Variants in NXPE2 observed in about 807,000 individuals in gnomAD.
NXPE2 encodes the protein NXPE family member 2.
A neutral mutation model predicts 34.4 loss-of-function variants in NXPE2; 34 were observed. The observed-to-expected ratio is 0.99, with a 90% CI of 0.75 to 1.31. NXPE2 has a LOEUF of 1.31. Ranked by LOEUF, NXPE2 falls within the 40% of genes most tolerant of loss-of-function variation. The probability of loss-of-function intolerance (pLI) is 0.00; values close to 1 mark genes in which losing one functional copy is unlikely to be tolerated. For missense variants in NXPE2, 649 were observed against 672.5 expected (o/e 0.97, Z 0.39); for synonymous variants, 235 against 231.3 (o/e 1.02, Z -0.15).
downstream of NXPE2, among the ~76,000 whole-genome samples, chr11:114,709,557 T>C (rs1439640778): frequency 6.6e-6 from 1 of 152,206 alleles, no homozygotes; most frequent in Non-Finnish European, 1.5e-5. Flanking sequence ...CTATTGCTAT[T>C]ATCAAACCTC....
chr11:114,583,842 C>T, the NXPE2 span: 1 of 393,100 alleles, frequency 2.5e-6, no homozygotes, highest in Admixed American at 3.3e-5. Flanking sequence ...AGGACTGTGT[C>T]CTTTCATAAA....
At chr11:114,595,994 C>T in the NXPE2 span, among the ~76,000 whole-genome samples, 1 of 152,018 alleles carries the variant, frequency 6.6e-6, no homozygotes. Context: ...TTAGTTAATA[C>T]AATTTGATAA....
At chr11:114,535,525 A>G in the NXPE2 span, among the ~76,000 whole-genome samples, 1 of 152,172 alleles carries the variant, frequency 6.6e-6, no homozygotes, top group African/African-American at 2.4e-5. Flanking sequence ...AGTGTGCTGT[A>G]TTCAGGAAAC....
the NXPE2 span, among the ~76,000 whole-genome samples, chr11:114,791,982 C>T: frequency 5.3e-5 from 8 of 152,136 alleles, no homozygotes; most frequent in Non-Finnish European, 8.8e-5. Flanking sequence ...GTCATGAACC[C>T]GGGAGGCGGA....
chr11:114,805,402 G>T, the NXPE2 span, among the ~76,000 whole-genome samples: 1 of 152,150 alleles, frequency 6.6e-6, no homozygotes, highest in African/African-American at 2.4e-5. Context: ...CGCCTCACCC[G>T]GGAAGCACAA....
chr11:114,712,406 T>G, the NXPE2 span, among the ~76,000 whole-genome samples: 1 of 152,070 alleles, frequency 6.6e-6, no homozygotes, highest in African/African-American at 2.4e-5. Flanking sequence ...TGATAAGGTA[T>G]TAATATCCAG....
At chr11:114,811,376 G>A in the NXPE2 span, among the ~76,000 whole-genome samples, 22,043 of 151,652 alleles carry the variant, frequency 0.15, 1,607 homozygotes, top group South Asian at 0.18. Flanking sequence ...AGAAAGAAAT[G>A]GCTTTAAAGA....
the NXPE2 span, among the ~76,000 whole-genome samples, chr11:114,520,545 T>C: frequency 6.6e-6 from 1 of 152,236 alleles, no homozygotes; most frequent in African/African-American, 2.4e-5. Flanking sequence ...TTCTCTGTCT[T>C]GGCTATTGTG....
chr11:114,518,332 A>C, the NXPE2 span: 1 of 152,134 alleles, frequency 6.6e-6, no homozygotes, highest in African/African-American at 2.4e-5. Flanking sequence ...TAAGTGTTAC[A>C]CCTTTAGGCT....
the NXPE2 span, among the ~76,000 whole-genome samples, chr11:114,758,845 A>C: frequency 6.7e-6 from 1 of 148,540 alleles, no homozygotes; most frequent in South Asian, 2.1e-4. Context: ...TTCTATATAC[A>C]TAAATATATA....
the NXPE2 span, among the ~76,000 whole-genome samples, chr11:114,534,924 C>T: frequency 1.3e-5 from 2 of 152,154 alleles, no homozygotes. Flanking sequence ...TCAGGAAATA[C>T]AGAGAACGCC....
At chr11:114,617,652 C>A in the NXPE2 span, among the ~76,000 whole-genome samples, 1 of 152,076 alleles carries the variant, frequency 6.6e-6, no homozygotes. Flanking sequence ...ATAAGTGTTG[C>A]CTCTAGGGTA....
the NXPE2 span, among the ~76,000 whole-genome samples, chr11:114,603,315 G>C: frequency 1.3e-5 from 2 of 150,252 alleles, no homozygotes; most frequent in African/African-American, 2.5e-5. Context: ...CCTATTACCT[G>C]GTGGGTGATA....
the NXPE2 span, among the ~76,000 whole-genome samples, chr11:114,482,416 T>C: frequency 0.038 from 5,848 of 152,294 alleles, 147 homozygotes; most frequent in Middle Eastern, 0.082. Context: ...TGAGTACTCA[T>C]GAAAGAATTT....
At chr11:114,590,391 T>G in the NXPE2 span, among the ~76,000 whole-genome samples, 3 of 152,130 alleles carry the variant, frequency 2.0e-5, no homozygotes, top group East Asian at 5.8e-4. Flanking sequence ...TCCTTCCCCC[T>G]CCCTAAAATC....
chr11:114,557,436 G>C, the NXPE2 span, among the ~76,000 whole-genome samples: 3 of 151,544 alleles, frequency 2.0e-5, no homozygotes, highest in Non-Finnish European at 4.4e-5. Context: ...GCTATAGTCA[G>C]GCATTTCAGT....
chr11:114,721,429 A>G, the NXPE2 span, among the ~76,000 whole-genome samples: 1 of 152,138 alleles, frequency 6.6e-6, no homozygotes. Flanking sequence ...CTATATGGAT[A>G]CAACCTGCTG....
the NXPE2 span, among the ~76,000 whole-genome samples, chr11:114,749,423 A>T: frequency 6.6e-6 from 1 of 152,094 alleles, no homozygotes; most frequent in Non-Finnish European, 1.5e-5. Context: ...CCTTATATAA[A>T]ATGGGGTCAG....
the NXPE2 span, among the ~76,000 whole-genome samples, chr11:114,747,336 T>C: frequency 1.3e-5 from 2 of 151,994 alleles, no homozygotes; most frequent in South Asian, 2.1e-4. Flanking sequence ...ACTTCTTCAA[T>C]CACCACAGCA....
Sources: gnomAD v4.1 joint callset for allele counts (sites outside exome capture counted in the v4.1 genomes callset) on GRCh38, gnomAD v4.1.1 for gene constraint, MANE v1.5 for transcripts, NCBI Gene and HGNC (gene_info 2026-07-23, HGNC 2026-07-21) for gene names.